Variants in MIA3 observed in about 807,000 individuals in gnomAD.
The protein encoded by MIA3 is MIA SH3 domain ER export factor 3, also known as transport and Golgi organization protein 1 homolog.
MIA3 carries 90 observed loss-of-function variants against 192.4 expected under a neutral mutation model. The observed-to-expected ratio is 0.47, with a 90% CI of 0.39 to 0.56. The LOEUF is 0.56. MIA3 is among the 20% of genes least tolerant of loss of function. MIA3 has a pLI of 0.00. For synonymous variants in MIA3, 740 were observed against 792.8 expected (o/e 0.93, Z 1.12); for missense variants, 2,123 against 2,269.4 (o/e 0.94, Z 1.31).
chr1:222,661,649 C>T (rs895073720), intron 24 of MIA3: 2 of 161,948 alleles, frequency 1.2e-5, no homozygotes, highest in African/African-American at 2.4e-5. Context: ...ATAACTTTAT[C>T]GTTTATGCGG....
intron 13 of MIA3, 144 bp from the exon 14 acceptor site, chr1:222,652,864 T>C: frequency 1.3e-6 from 1 of 775,520 alleles, no homozygotes; most frequent in South Asian, 2.2e-5. Flanking sequence ...GGCCACTGTC[T>C]CCTCCCACTT....
Position 222,628,142 on chromosome 1 carries a change from G to A in MIA3, c.922G>A (p.Asp308Asn), listed in dbSNP as rs773114574. ...AGAAGATGATTTTGATGAGGAATTG[G>A]ATACTGAGTATTATGCAGTTGGAAA... ...SLEDDFDEEL[D>N]TEYYAVGKED... Residue 308 changes from aspartate to asparagine, a missense_variant, in exon 4 of 28, where the codon GAT becomes AAT. Transcript: ENST00000344922. The A allele has an allele frequency of 1.8e-5, 29 of 1,613,930 alleles. No individual in the cohort carries two copies. The highest frequency in any genetic ancestry group is 2.5e-5 in the Non-Finnish European group (29 of 1,180,002).
chr1:222,625,799 C>T (rs181876762), intron 3 of MIA3, among the ~76,000 whole-genome samples: 84 of 152,212 alleles, frequency 5.5e-4, no homozygotes, highest in African/African-American at 1.9e-3. Flanking sequence ...TGCAGTGGTG[C>T]GATACCAGCT....
chr1:222,644,524 G>C, intron 6 of MIA3: 1 of 1,550,652 alleles, frequency 6.4e-7, no homozygotes, highest in Non-Finnish European at 8.7e-7. Flanking sequence ...TACCCCGGGG[G>C]ACCCGGAACT....
chr1:222,656,528 T>C (rs978635933), intron 18 of MIA3, among the ~76,000 whole-genome samples: 5 of 152,130 alleles, frequency 3.3e-5, no homozygotes, highest in African/African-American at 1.2e-4. Context: ...TTCTTTTTGG[T>C]TTTTCAGCAG....
intron 26 of MIA3, chr1:222,662,650 C>G (rs1664084273): frequency 5.0e-6 from 2 of 396,140 alleles, no homozygotes; most frequent in Admixed American, 8.2e-5. Flanking sequence ...CTTTTCTCCT[C>G]TCTCCTGTTT....
intron 7 of MIA3, among the ~76,000 whole-genome samples, chr1:222,646,431 AAG>A (rs1663147681): frequency 6.6e-6 from 1 of 151,254 alleles, no homozygotes; most frequent in South Asian, 2.1e-4. Context: ...AAAAAAAAGA[AAG>A]AAAGAAATAA....
chr1:222,645,844 A>ATTATTTTTTTTTTTTTTTTTTTTTTTT, intron 7 of MIA3, 159 bp downstream of exon 7: 2 of 630,282 alleles, frequency 3.2e-6, no homozygotes, highest in East Asian at 4.0e-5. Context: ...GTGTTGGTAA[A>ATTATTTTTTTTTTTTTTTTTTTTTTTT]TTCTTAAGTG....
At chr1:222,626,069 T>C (rs1432388629) in intron 3 of MIA3, among the ~76,000 whole-genome samples, 1 of 152,070 alleles carries the variant, frequency 6.6e-6, no homozygotes, top group Non-Finnish European at 1.5e-5. Context: ...CCCCATCTGA[T>C]TGTTTTGTGA....
chr1:222,662,519 G>A lies in MIA3; in HGVS notation c.5262+187G>A, dbSNP rs1022512372. On this transcript the variant is annotated intron_variant, in intron 26 of 27. Transcript: ENST00000344922. ...CCCAGCATTACATCTTTGGCTGAGC[G>A]TCCAGTAGCAGTAAGTACTTAGAAG... is the stretch of plus-strand genomic sequence containing the variant. The A allele has an allele frequency of 1.5e-5, 21 of 1,397,954 alleles. No individual in the cohort carries two copies. In the African/African-American group the frequency reaches 1.6e-4, roughly 11 times the overall value. The allele number at this position is 1,397,954 out of a possible 1,614,324, so 86.6% of individuals were successfully genotyped here. A position where few individuals can be genotyped will look rare whatever the true frequency, so the allele number is the denominator to read the frequency against.
chr1:222,618,256 G>A lies in MIA3; in HGVS notation c.133+13G>A, dbSNP rs1312388884. On this transcript the variant is annotated intron_variant, in intron 1 of 27. Coordinates refer to ENST00000344922, the MANE Select transcript of MIA3 (RefSeq NM_198551.4). Reference sequence around the variant, plus strand: ...GACGAATGCAGCAGTGAGTGCGCTGGAGGGGCGGCTGGCCTCGGGGCGGCT... The same window carrying A: ...GACGAATGCAGCAGTGAGTGCGCTGAAGGGGCGGCTGGCCTCGGGGCGGCT... 7.0e-7 allele frequency: 1 copy of A among 1,431,024 alleles called. No homozygotes were observed. The highest frequency in any genetic ancestry group is 1.4e-5 in the South Asian group (1 of 73,136). 88.6% of individuals were successfully genotyped at this position (1,431,024 alleles called of 1,614,324 possible).
In MIA3 at chr1:222,665,864, G is replaced by T. The variant is rs1664258567; in HGVS notation, c.*245G>T. The T allele has an allele frequency of 2.7e-6, 1 of 370,926 alleles. No homozygotes were observed. The highest frequency in any genetic ancestry group is 4.3e-5 in the East Asian group (1 of 23,474). 23.0% of individuals were successfully genotyped at this position (370,926 alleles called of 1,614,324 possible). On this transcript the variant is annotated 3_prime_UTR_variant, in exon 28 of 28. Coordinates refer to ENST00000344922, the MANE Select transcript of MIA3 (RefSeq NM_198551.4). Reference sequence around the variant, plus strand: ...TTGAAATGTGCAATAAAGAATACCTGTGTTTTAGCTAATGTAGCATATGTA... The same window carrying T: ...TTGAAATGTGCAATAAAGAATACCTTTGTTTTAGCTAATGTAGCATATGTA...
chr1:222,665,209 A>AG, intron 27 of MIA3, 100 bp from the exon 28 acceptor site: 2 of 862,754 alleles, frequency 2.3e-6, no homozygotes, highest in Non-Finnish European at 3.4e-6. Context: ...AAAAAAAAAA[A>AG]AAAAAAAAAA....
At chr1:222,654,957 T>C (rs1663639566) in intron 18 of MIA3, among the ~76,000 whole-genome samples, 164 bp downstream of exon 18, 1 of 152,224 alleles carries the variant, frequency 6.6e-6, no homozygotes, top group Non-Finnish European at 1.5e-5. Flanking sequence ...AAGCTGCATT[T>C]TTCTTTCCTT....
At chr1:222,624,645 A>G in intron 2 of MIA3, 123 bp from the exon 3 acceptor site, 2 of 609,732 alleles carry the variant, frequency 3.3e-6, no homozygotes, top group East Asian at 3.1e-5. Context: ...AAAAGTAATG[A>G]CATTACAAGA....
At chr1:222,626,798 T>C (rs1478153173) in intron 3 of MIA3, among the ~76,000 whole-genome samples, 1 of 152,226 alleles carries the variant, frequency 6.6e-6, no homozygotes, top group Non-Finnish European at 1.5e-5. Context: ...CTGAAGCTGA[T>C]TTCTTTCCCA....
intron 11 of MIA3, among the ~76,000 whole-genome samples, chr1:222,651,286 A>T (rs1663419140): frequency 6.6e-6 from 1 of 151,508 alleles, no homozygotes; most frequent in South Asian, 2.1e-4. Flanking sequence ...AGTTGCAAAG[A>T]TAGTAGAGAG....
At chr1:222,622,718 T>G (rs561987296) in intron 2 of MIA3, among the ~76,000 whole-genome samples, 1 of 152,374 alleles carries the variant, frequency 6.6e-6, no homozygotes, top group South Asian at 2.1e-4. Flanking sequence ...CTGCGTTTTT[T>G]CATAGAAAAG....
chr1:222,644,500 C>T, intron 6 of MIA3: 1 of 1,550,590 alleles, frequency 6.4e-7, no homozygotes, highest in Non-Finnish European at 8.7e-7. Flanking sequence ...TGCCACTGTG[C>T]CTTCTATCGC....
Sources: gnomAD v4.1 joint callset for allele counts (sites outside exome capture counted in the v4.1 genomes callset) on GRCh38, gnomAD v4.1.1 for gene constraint, MANE v1.5 for transcripts, NCBI Gene and HGNC (gene_info 2026-07-23, HGNC 2026-07-21) for gene names.